BIRC3: variants seen among roughly 807,000 people sequenced by gnomAD.
BIRC3 encodes the protein baculoviral IAP repeat-containing protein 3.
A neutral mutation model predicts 59.0 loss-of-function variants in BIRC3; 26 were observed. The observed-to-expected ratio is 0.44, with a 90% CI of 0.32 to 0.61. The LOEUF is 0.61. Ranked by LOEUF, BIRC3 falls within the 20% of genes least tolerant of loss-of-function variation. BIRC3 has a pLI of 0.04. For synonymous variants in BIRC3, 243 were observed against 249.2 expected, an observed-to-expected ratio of 0.98 and a Z score of 0.24; for missense variants, 641 against 711.5, an observed-to-expected ratio of 0.90 and a Z score of 1.13.
chr11:102,322,777 TAAAAAAAAAAAAAA>T lies in BIRC3; in HGVS notation c.-1720_-1707del, dbSNP rs5794162. 1 of 66,340 alleles carries T rather than the reference TAAAAAAAAAAAAAA, an allele frequency of 1.5e-5. No individual in the cohort carries two copies. The highest frequency in any genetic ancestry group is 2.8e-5 in the Non-Finnish European group (1 of 35,812). The allele number at this position is 66,340 out of a possible 1,614,324, so 4.1% of individuals were successfully genotyped here. Reference sequence around the variant, plus strand: ...GGAAACCATGCTTGCAAACCACTGGTAAAAAAAAAAAAAAAAAAAAAAAAAAGCCACAGTGACTT... The same window carrying T: ...GGAAACCATGCTTGCAAACCACTGGTAAAAAAAAAAAAGCCACAGTGACTT... On this transcript the variant is annotated 5_prime_UTR_variant, in exon 2 of 9. Transcript: ENST00000263464.
chr11:102,336,879 C>A (rs1237951112), intron 8 of BIRC3, 30 bp from the exon 9 acceptor site: 2 of 1,590,060 alleles, frequency 1.3e-6, no homozygotes, highest in Admixed American at 3.9e-5. Context: ...AGCAAACTGC[C>A]TTTTATTAAA....
chr11:102,330,865 T>C, intron 5 of BIRC3, 134 bp from the exon 6 acceptor site: 1 of 847,320 alleles, frequency 1.2e-6, no homozygotes, highest in Non-Finnish European at 1.7e-6. Flanking sequence ...TCATACAAAA[T>C]AATGCCTATA....
At position 102,325,147 on chromosome 11, in the gene BIRC3, G is replaced by A; in HGVS notation, c.638G>A (p.Ser213Asn). The A allele has an allele frequency of 6.2e-7, 1 of 1,614,136 alleles. No individual in the cohort carries two copies. Residue 213 changes from serine to asparagine, a missense_variant, in exon 2 of 9, where the codon AGC becomes AAC. Physicochemically the swap from Ser to Asn is conservative, Grantham distance 46. Coordinates refer to ENST00000263464, the MANE Select transcript of BIRC3 (RefSeq NM_001165.5). ...TGCTTTGCCTGTGGTGGAAAATTGAGCAATTGGGAACCGAAGGATAATGCT... is the reference window on the plus strand; with the variant it reads ...TGCTTTGCCTGTGGTGGAAAATTGAACAATTGGGAACCGAAGGATAATGCT... ...VACFACGGKL[S>N]NWEPKDNAMS...
In BIRC3 at chr11:102,324,682, C is replaced by T; in HGVS notation, c.173C>T (p.Thr58Ile). Residue 58 changes from threonine to isoleucine, a missense_variant, in exon 2 of 9, where the codon ACT (threonine) becomes ATT (isoleucine). Physicochemically the swap from Thr to Ile is moderately conservative, Grantham distance 89. Coordinates refer to ENST00000263464, the MANE Select transcript of BIRC3 (RefSeq NM_001165.5). ...RSLARAGFYY[T>I]GVNDKVKCFC... ...CTTGCTCGTGCTGGTTTCTATTACA[C>T]TGGTGTGAATGACAAGGTCAAATGC... 1 of 1,614,162 alleles carries T rather than the reference C, an allele frequency of 6.2e-7. No individual in the cohort carries two copies. The highest frequency in any genetic ancestry group is 8.5e-7 in the Non-Finnish European group (1 of 1,180,030).
At position 102,338,445 on chromosome 11, in the gene BIRC3, G is replaced by A. The variant is rs537721562; in HGVS notation, c.*1343G>A. On this transcript the variant is annotated 3_prime_UTR_variant, in exon 9 of 9. Transcript: ENST00000263464. ...TATTTAATCACAGATTTACATCACC[G>A]GGGAGCCTTCGTAATGAAGATCCAA... 8 of 228,578 alleles carry A rather than the reference G, an allele frequency of 3.5e-5. No homozygotes were observed. Among genetic ancestry groups the A allele is most frequent in the Non-Finnish European group, 5.2e-5 (6 of 115,166 alleles). The allele number at this position is 228,578 out of a possible 1,614,324, so 14.2% of individuals were successfully genotyped here.
chr11:102,335,850 A>G, intron 6 of BIRC3, 116 bp from the exon 7 acceptor site: 1 of 1,059,406 alleles, frequency 9.4e-7, no homozygotes, highest in East Asian at 2.5e-5. Flanking sequence ...AATCAACATC[A>G]ATGCCTTACT....
intron 1 of BIRC3, 64 bp downstream of exon 1, chr11:102,317,635 G>A (rs1950983469): frequency 6.5e-6 from 1 of 153,474 alleles, no homozygotes; most frequent in Non-Finnish European, 1.4e-5. Context: ...ATGTGTGCGC[G>A]CGCGCGCGCC....
chr11:102,335,907 G>A (rs1951190554), intron 6 of BIRC3, 59 bp from the exon 7 acceptor site: 4 of 1,518,046 alleles, frequency 2.6e-6, no homozygotes, highest in Non-Finnish European at 3.6e-6. Context: ...ATATAGGACT[G>A]GAAGGAAGTT....
intron 5 of BIRC3, among the ~76,000 whole-genome samples, chr11:102,330,348 C>T (rs927781647): frequency 9.2e-5 from 14 of 152,184 alleles, no homozygotes; most frequent in African/African-American, 4.8e-5. Context: ...GTCAGCACTA[C>T]AGGCAGAATT....
In BIRC3 at chr11:102,324,803, T is replaced by G; in HGVS notation, c.294T>G (p.Ser98Arg). The G allele has an allele frequency of 6.2e-7, 1 of 1,614,102 alleles. No homozygotes were observed. Among genetic ancestry groups the G allele is most frequent in the African/African-American group, 1.3e-5 (1 of 75,012 alleles). ...KLYPSCRFVQSLNSVNNLEAT... is the reference protein window; with the variant it reads ...KLYPSCRFVQRLNSVNNLEAT... ...ATCCTAGCTGCAGATTCGTTCAGAG[T>G]CTAAATTCCGTTAACAACTTGGAAG... Residue 98 changes from serine to arginine, a missense_variant, in exon 2 of 9, where the codon AGT becomes AGG. Coordinates refer to ENST00000263464, the MANE Select transcript of BIRC3 (RefSeq NM_001165.5).
intron 6 of BIRC3, among the ~76,000 whole-genome samples, chr11:102,331,799 C>G (rs1030868870): frequency 6.6e-6 from 1 of 152,138 alleles, no homozygotes; most frequent in South Asian, 2.1e-4. Context: ...TGCCACCATG[C>G]CAGGCTAATT....
intron 1 of BIRC3, 74 bp from the exon 2 acceptor site, chr11:102,321,763 T>C (rs996863250): frequency 1.2e-5 from 2 of 172,536 alleles, no homozygotes; most frequent in Admixed American, 1.3e-4. Flanking sequence ...GAAAATGATT[T>C]TTTAAAAAGT....
chr11:102,321,600 TTG>T (rs2135781858), intron 1 of BIRC3, among the ~76,000 whole-genome samples: 1 of 152,246 alleles, frequency 6.6e-6, no homozygotes, highest in Non-Finnish European at 1.5e-5. Flanking sequence ...AGTGATCCAC[TTG>T]TCTTGGCCTC....
At position 102,324,892 on chromosome 11, in the gene BIRC3, C is replaced by T. The variant is rs368897232; in HGVS notation, c.383C>T (p.Thr128Ile). The T allele has an allele frequency of 3.7e-5, 60 of 1,614,086 alleles. No homozygotes were observed. Among genetic ancestry groups the T allele is most frequent in the Non-Finnish European group, 5.1e-5 (60 of 1,180,036 alleles). ...TNSTHSLLPG[T>I]ENSGYFRGSY... ...TCCACACACTCATTACTTCCGGGTA[C>T]AGAAAACAGTGGATATTTCCGTGGC... Residue 128 changes from threonine to isoleucine, a missense_variant, in exon 2 of 9, where the codon ACA (threonine) becomes ATA (isoleucine). By Grantham distance (89) the Thr-to-Ile change is moderately conservative. Transcript: ENST00000263464.
rs151072309 is a variant in BIRC3 at position 102,331,216 on chromosome 11, A to T, written c.1299A>T (p.Glu433Asp). The T allele has an allele frequency of 5.0e-6, 8 of 1,609,908 alleles. No individual in the cohort carries two copies. The highest frequency in any genetic ancestry group is 1.7e-5 in the Admixed American group (1 of 58,926). Reference sequence around the variant, plus strand: ...ATGAAATAAGGGAAGAGGAGAGAGAAAGAGCAACTGAGGAAAAAGAATCAA... The same window carrying T: ...ATGAAATAAGGGAAGAGGAGAGAGATAGAGCAACTGAGGAAAAAGAATCAA... ...AEDEIREEERERATEEKESND... is the reference protein window; with the variant it reads ...AEDEIREEERDRATEEKESND... The change falls in exon 6 of 9, where the codon GAA becomes GAT. Residue 433 changes from glutamate (E) to aspartate (D), a missense_variant. Physicochemically the swap from Glu to Asp is conservative, Grantham distance 45. Coordinates refer to ENST00000263464, the MANE Select transcript of BIRC3 (RefSeq NM_001165.5).
At position 102,323,894 on chromosome 11, in the gene BIRC3, G is replaced by C. The variant is rs770957470; in HGVS notation, c.-616G>C. ...TGTCATTAATTATGAAATACTTCTT[G>C]ATAACAGAAGTTTTAAAATAGCCAT... On this transcript the variant is annotated 5_prime_UTR_variant, in exon 2 of 9. Transcript: ENST00000263464. The C allele has an allele frequency of 3.0e-5, 6 of 202,324 alleles. No individual in the cohort carries two copies. The highest frequency in any genetic ancestry group is 6.0e-5 in the Admixed American group (1 of 16,680). 12.5% of individuals were successfully genotyped at this position (202,324 alleles called of 1,614,324 possible).
intron 6 of BIRC3, among the ~76,000 whole-genome samples, chr11:102,333,354 G>A (rs1951164104): frequency 6.6e-6 from 1 of 151,990 alleles, no homozygotes; most frequent in Non-Finnish European, 1.5e-5. Flanking sequence ...CTTAAGCCCA[G>A]GAGTTCAAGA....
chr11:102,335,926 G>C, intron 6 of BIRC3, 40 bp from the exon 7 acceptor site: 6 of 1,569,108 alleles, frequency 3.8e-6, no homozygotes, highest in Non-Finnish European at 5.2e-6. Context: ...TTTGTGAGCA[G>C]AGTTTGAACA....
chr11:102,321,928 A>G lies in BIRC3; in HGVS notation c.-2582A>G, dbSNP rs1009193566. 2 of 188,078 alleles carry G rather than the reference A, an allele frequency of 1.1e-5. No homozygotes were observed. Among genetic ancestry groups the G allele is most frequent in the Non-Finnish European group, 2.2e-5 (2 of 89,282 alleles). 11.7% of individuals were successfully genotyped at this position (188,078 alleles called of 1,614,324 possible). ...CTCAAAATGGAGACCTAAAATCCTT[A>G]AAGGGACTTAGTCTAATCTCGGGAG... is the stretch of plus-strand genomic sequence containing the variant. On this transcript the variant is annotated 5_prime_UTR_variant, in exon 2 of 9. Transcript: ENST00000263464.
Sources: gnomAD v4.1 joint callset for allele counts (sites outside exome capture counted in the v4.1 genomes callset) on GRCh38, gnomAD v4.1.1 for gene constraint, MANE v1.5 for transcripts, NCBI Gene and HGNC (gene_info 2026-07-23, HGNC 2026-07-21) for gene names.